LRP12: variants seen among roughly 807,000 people sequenced by gnomAD.
LRP12 encodes the protein LDL receptor related protein 12.
LRP12 carries 14 observed loss-of-function variants against 66.0 expected under a neutral mutation model. The ratio of observed to expected loss-of-function variants is 0.21; its 90% CI spans 0.14 to 0.33. LRP12 has a LOEUF of 0.33. LRP12 is among the 10% of genes least tolerant of loss of function. The pLI is 1.00. For missense variants in LRP12, 889 were observed against 1,053.4 expected (o/e 0.84, Z 2.16); for synonymous variants, 357 against 359.1 (o/e 0.99, Z 0.07).
chr8:104,563,469 TATC>T (rs1459896879), intron 1 of LRP12, among the ~76,000 whole-genome samples: 2 of 152,146 alleles, frequency 1.3e-5, no homozygotes, highest in Non-Finnish European at 2.9e-5. Context: ...TGTCATTATA[TATC>T]ATTATTAACA....
chr8:104,532,729 T>C (rs575237687), intron 1 of LRP12, among the ~76,000 whole-genome samples: 1 of 152,224 alleles, frequency 6.6e-6, no homozygotes, highest in Non-Finnish European at 1.5e-5. Context: ...GCAAATATTG[T>C]AATTAACAAC....
intron 3 of LRP12, chr8:104,506,780 G>C (rs938009451): frequency 6.6e-6 from 1 of 152,110 alleles, no homozygotes; most frequent in Non-Finnish European, 1.5e-5. Context: ...GGTTCCAAGG[G>C]AGAGGAATGA....
At chr8:104,540,684 T>C (rs927122906) in intron 1 of LRP12, among the ~76,000 whole-genome samples, 2 of 152,228 alleles carry the variant, frequency 1.3e-5, no homozygotes, top group African/African-American at 4.8e-5. Flanking sequence ...GTAATAATTA[T>C]TTATAACATT....
intron 1 of LRP12, among the ~76,000 whole-genome samples, chr8:104,556,195 A>C (rs956601745): frequency 6.6e-6 from 1 of 152,184 alleles, no homozygotes; most frequent in Admixed American, 6.5e-5. Flanking sequence ...AACTGCCTAC[A>C]TCAAAAAGTC....
chr8:104,514,000 G>T (rs989194479), intron 2 of LRP12, among the ~76,000 whole-genome samples: 3 of 152,128 alleles, frequency 2.0e-5, no homozygotes, highest in Non-Finnish European at 4.4e-5. Flanking sequence ...ATCTCAGGCA[G>T]CATTTGTTTG....
chr8:104,505,178 C>G (rs555110585), intron 3 of LRP12: 2 of 152,186 alleles, frequency 1.3e-5, no homozygotes, highest in African/African-American at 4.8e-5. Context: ...GCCATCATGC[C>G]CAGCTAGTTT....
At chr8:104,494,556 T>A (rs779762309) in intron 6 of LRP12, among the ~76,000 whole-genome samples, 3 of 152,224 alleles carry the variant, frequency 2.0e-5, no homozygotes, top group East Asian at 1.9e-4. Context: ...ACGAGAAAAA[T>A]TTTTTTAATT....
At chr8:104,559,049 A>G (rs1417827647) in intron 1 of LRP12, among the ~76,000 whole-genome samples, 1 of 152,158 alleles carries the variant, frequency 6.6e-6, no homozygotes, top group Non-Finnish European at 1.5e-5. Context: ...AACTGTGTGG[A>G]GATTACTTAA....
intron 2 of LRP12, among the ~76,000 whole-genome samples, chr8:104,513,690 C>A (rs1811030732): frequency 6.6e-6 from 1 of 152,138 alleles, no homozygotes; most frequent in Non-Finnish European, 1.5e-5. Flanking sequence ...TCTAATTCTC[C>A]TTCTAACTCT....
At chr8:104,585,738 G>A (rs781742736) in intron 1 of LRP12, among the ~76,000 whole-genome samples, 3 of 152,146 alleles carry the variant, frequency 2.0e-5, no homozygotes, top group Non-Finnish European at 4.4e-5. Context: ...CATAGTACCC[G>A]AAGCAATGTG....
intron 2 of LRP12, 109 bp downstream of exon 2, chr8:104,531,798 G>A (rs1013229584): frequency 1.1e-4 from 79 of 719,502 alleles, no homozygotes; most frequent in Admixed American, 1.6e-4. Flanking sequence ...GCTGCAAAAA[G>A]CAGTAATAAT....
intron 5 of LRP12, among the ~76,000 whole-genome samples, chr8:104,496,454 C>G (rs1334617413): frequency 6.6e-6 from 1 of 151,970 alleles, no homozygotes; most frequent in Non-Finnish European, 1.5e-5. Flanking sequence ...CTTTCTGCCT[C>G]TCTCCCTCAT....
chr8:104,491,367 A>T lies in LRP12; in HGVS notation c.1886T>A (p.Val629Asp). Residue 629 changes from valine (V) to aspartate (D), a missense_variant, in exon 7 of 7, where the codon GTC becomes GAC. Transcript: ENST00000276654. ...ALVSADGDEV[V>D]PSQSTSREPE... ...TTCTCTACTGGTACTCTGACTAGGG[A>T]CAACCTCATCTCCATCTGCTGAGAC... The T allele has an allele frequency of 6.2e-7, 1 of 1,614,082 alleles. No homozygotes were observed. Among genetic ancestry groups the T allele is most frequent in the Non-Finnish European group, 8.5e-7 (1 of 1,180,000 alleles).
intron 2 of LRP12, among the ~76,000 whole-genome samples, chr8:104,526,731 A>G (rs1811245410): frequency 6.7e-6 from 1 of 148,852 alleles, no homozygotes; most frequent in Non-Finnish European, 1.5e-5. Context: ...GAAAAACCCT[A>G]GAAGAAAACC....
intron 1 of LRP12, among the ~76,000 whole-genome samples, chr8:104,557,514 C>A (rs905434970): frequency 1.3e-4 from 19 of 150,206 alleles, no homozygotes; most frequent in Non-Finnish European, 2.8e-4. Flanking sequence ...AATCAAGGAC[C>A]CAATTTGCAA....
chr8:104,518,123 T>G (rs1355858161), intron 2 of LRP12, among the ~76,000 whole-genome samples: 1 of 152,062 alleles, frequency 6.6e-6, no homozygotes, highest in African/African-American at 2.4e-5. Flanking sequence ...GGATGAGATT[T>G]CTGCTTCAAG....
chr8:104,505,377 G>C (rs1415623741), intron 3 of LRP12: 1 of 150,292 alleles, frequency 6.7e-6, no homozygotes, highest in Non-Finnish European at 1.4e-5. Flanking sequence ...ACTTGGGAGA[G>C]AGTTCTCATT....
intron 2 of LRP12, among the ~76,000 whole-genome samples, chr8:104,521,998 A>G (rs1056138182): frequency 6.6e-6 from 1 of 152,056 alleles, no homozygotes; most frequent in Non-Finnish European, 1.5e-5. Context: ...TCTATCAGAG[A>G]TAATTACAAT....
chr8:104,493,420 G>C (rs2140828063), intron 6 of LRP12, among the ~76,000 whole-genome samples: 1 of 152,238 alleles, frequency 6.6e-6, no homozygotes, highest in South Asian at 2.1e-4. Context: ...TCTCCCACGA[G>C]GGTACATATA....
Sources: allele counts gnomAD v4.1 joint callset (sites outside exome capture counted in the v4.1 genomes callset), GRCh38; gene constraint gnomAD v4.1.1; transcripts MANE v1.5; gene names NCBI Gene and HGNC (gene_info 2026-07-23, HGNC 2026-07-21).